The following LRP1B variants were observed in gnomAD, a reference collection of about 807,000 sequenced individuals.
LRP1B encodes LDL receptor related protein 1B, also known as low-density lipoprotein receptor-related protein 1B.
A neutral mutation model predicts 556.6 loss-of-function variants in LRP1B; 217 were observed. That is an observed-to-expected ratio of 0.39 (90% CI 0.35 to 0.44). The LOEUF (loss-of-function observed/expected upper bound fraction) is 0.44. Among genes scored for constraint, LRP1B ranks in the 20% least tolerant of loss-of-function variants. The pLI is 1.00. For missense variants in LRP1B, 5,053 were observed against 5,620.8 expected (o/e 0.90, Z 3.23); for synonymous variants, 2,047 against 1,865.8 (o/e 1.10, Z -2.50).
chr2:141,177,757 T>C (rs1176089461), intron 7 of LRP1B, among the ~76,000 whole-genome samples: 1 of 152,124 alleles, frequency 6.6e-6, no homozygotes, highest in Non-Finnish European at 1.5e-5. Context: ...CTTCTAATAT[T>C]AGAAACTTCT....
intron 1 of LRP1B, among the ~76,000 whole-genome samples, chr2:142,088,263 A>C (rs1056819117): frequency 2.0e-5 from 3 of 152,186 alleles, no homozygotes; most frequent in Admixed American, 6.5e-5. Context: ...TGATTCATGA[A>C]AACATAATTA....
intron 15 of LRP1B, among the ~76,000 whole-genome samples, chr2:141,003,018 A>T (rs1014722415): frequency 6.6e-6 from 1 of 152,158 alleles, no homozygotes; most frequent in African/African-American, 2.4e-5. Context: ...TAAAATAATA[A>T]TAAAATAATT....
rs1559131126 is a variant in LRP1B, at chr2:141,544,334, C to CTTCTTCTTCTTCTTCTTCTTCTT, written c.206-63824_206-63802dup. ...TCTTCTTCTTCTTCTTCTTCTTCTT[C>CTTCTTCTTCTTCTTCTTCTTCTT]TTCTTCTTCTTCTTCTTCTTCTTCT... is the stretch of plus-strand genomic sequence containing the variant. On this transcript the variant is annotated intron_variant, in intron 2 of 90. Transcript: ENST00000389484. Among the ~76,000 whole-genome samples, 60 of 66,418 alleles carry CTTCTTCTTCTTCTTCTTCTTCTT rather than the reference C, an allele frequency of 9.0e-4. 3 individuals carry two copies. Among genetic ancestry groups the CTTCTTCTTCTTCTTCTTCTTCTT allele is most frequent in the East Asian group, 1.1e-3 (2 of 1,790 alleles). The allele number at this position is 66,418 out of a possible 152,430, so 43.6% of individuals were successfully genotyped here. A position where few individuals can be genotyped will look rare whatever the true frequency, so the allele number is the denominator to read the frequency against.
At chr2:140,603,947 G>A (rs1175953885) in intron 41 of LRP1B, among the ~76,000 whole-genome samples, 1 of 152,020 alleles carries the variant, frequency 6.6e-6, no homozygotes, top group Non-Finnish European at 1.5e-5. Flanking sequence ...GAGGGCATGT[G>A]GCATGTATAT....
intron 2 of LRP1B, among the ~76,000 whole-genome samples, chr2:141,648,579 G>T (rs1193656163): frequency 1.3e-5 from 2 of 152,246 alleles, no homozygotes; most frequent in South Asian, 4.1e-4. Context: ...TTCATTCTGT[G>T]AGTTTCTTGA....
intron 1 of LRP1B, among the ~76,000 whole-genome samples, chr2:141,958,467 T>A (rs1701322165): frequency 1.3e-5 from 2 of 152,036 alleles, no homozygotes; most frequent in Admixed American, 1.3e-4. Flanking sequence ...AAGAAGTTGA[T>A]TTCTCTTAAA....
At chr2:141,591,339 G>GTTTT (rs763188284) in intron 2 of LRP1B, among the ~76,000 whole-genome samples, 38 of 66,276 alleles carry the variant, frequency 5.7e-4, no homozygotes, top group African/African-American at 2.0e-3. Flanking sequence ...TTTAGTACTG[G>GTTTT]TTTTTTTTTG....
At chr2:141,368,356 G>A (rs1689117341) in intron 3 of LRP1B, among the ~76,000 whole-genome samples, 1 of 152,264 alleles carries the variant, frequency 6.6e-6, no homozygotes, top group South Asian at 2.1e-4. Flanking sequence ...AAAAAAACAA[G>A]AATGCAAAGC....
intron 3 of LRP1B, among the ~76,000 whole-genome samples, chr2:141,305,747 T>G (rs945206398): frequency 1.3e-5 from 2 of 152,216 alleles, no homozygotes; most frequent in Non-Finnish European, 2.9e-5. Context: ...GTCTCTATTA[T>G]GTTGATGTAT....
At chr2:141,621,598 T>C (rs755617470) in intron 2 of LRP1B, among the ~76,000 whole-genome samples, 4 of 152,152 alleles carry the variant, frequency 2.6e-5, no homozygotes, top group Non-Finnish European at 5.9e-5. Flanking sequence ...GGATAATAAT[T>C]GATACATCTC....
intron 2 of LRP1B, among the ~76,000 whole-genome samples, chr2:141,541,480 G>A (rs1054818063): frequency 5.9e-5 from 9 of 152,108 alleles, no homozygotes; most frequent in Admixed American, 4.6e-4. Context: ...AATGTCCAGC[G>A]TGTTCATGAA....
chr2:141,934,160 G>A (rs1179534860), intron 1 of LRP1B, among the ~76,000 whole-genome samples: 1 of 152,054 alleles, frequency 6.6e-6, no homozygotes, highest in African/African-American at 2.4e-5. Flanking sequence ...GTAAAATCAA[G>A]TGGCAGATTA....
At position 141,084,625 on chromosome 2, in the gene LRP1B, G is replaced by T. The variant is rs1403643869; in HGVS notation, c.1014-22352C>A. ...TATTTCATCGTTTATCATTTTGTGT[G>T]AGTCTTGTCCATAGATACTTCTGTT... is the stretch of plus-strand genomic sequence containing the variant. On this transcript the variant is annotated intron_variant, in intron 7 of 90. Coordinates refer to ENST00000389484, the MANE Select transcript of LRP1B (RefSeq NM_018557.3). 2.0e-5 allele frequency among the ~76,000 whole-genome samples: 3 copies of T among 150,770 alleles called. No homozygotes were observed. In the East Asian group the frequency reaches 5.9e-4, roughly 30 times the overall value.
At chr2:141,192,848 G>T (rs1681578882) in intron 6 of LRP1B, among the ~76,000 whole-genome samples, 1 of 151,878 alleles carries the variant, frequency 6.6e-6, no homozygotes, top group Admixed American at 6.6e-5. Context: ...ATAAATACAA[G>T]CAACTATGTT....
At chr2:140,737,112 G>A (rs1396046097) in intron 35 of LRP1B, among the ~76,000 whole-genome samples, 2 of 152,166 alleles carry the variant, frequency 1.3e-5, no homozygotes, top group Admixed American at 6.5e-5. Flanking sequence ...CAATAAAAAT[G>A]TATGATCCCT....
chr2:141,147,788 T>C (rs939215863), intron 7 of LRP1B, among the ~76,000 whole-genome samples: 1 of 152,160 alleles, frequency 6.6e-6, no homozygotes. Flanking sequence ...TACCACATAA[T>C]AACATTTTAG....
Position 140,239,434 on chromosome 2 carries a change from C to T in LRP1B, c.13415+8G>A, listed in dbSNP as rs2104884556. On this transcript the variant is annotated splice_region_variant and intron_variant, in intron 88 of 90. Transcript: ENST00000389484. ...CACTGACTGCTAATCTAGAACATTGCATCTTACCTTCTTTTTCTTTTACAA... is the reference window on the plus strand; with the variant it reads ...CACTGACTGCTAATCTAGAACATTGTATCTTACCTTCTTTTTCTTTTACAA... 1 of 1,555,424 alleles carries T rather than the reference C, an allele frequency of 6.4e-7. No individual in the cohort carries two copies. Among genetic ancestry groups the T allele is most frequent in the African/African-American group, 1.4e-5 (1 of 72,912 alleles).
chr2:140,862,276 C>A (rs576101912), intron 27 of LRP1B, among the ~76,000 whole-genome samples: 58 of 152,088 alleles, frequency 3.8e-4, no homozygotes, highest in East Asian at 1.5e-3. Flanking sequence ...GAAAAAAAAA[C>A]CAAATGAAGA....
intron 1 of LRP1B, among the ~76,000 whole-genome samples, chr2:142,104,594 T>A (rs1007284060): frequency 2.0e-5 from 3 of 152,162 alleles, no homozygotes; most frequent in African/African-American, 7.2e-5. Context: ...TAAAGGTATT[T>A]TTTTGACATT....
Sources: gnomAD v4.1 joint callset for allele counts (sites outside exome capture counted in the v4.1 genomes callset) on GRCh38, gnomAD v4.1.1 for gene constraint, MANE v1.5 for transcripts, NCBI Gene and HGNC (gene_info 2026-07-23, HGNC 2026-07-21) for gene names.